Variants in ST3GAL3 observed in about 807,000 individuals in gnomAD.
The protein encoded by ST3GAL3 is CMP-N-acetylneuraminate-beta-1,4-galactoside alpha-2,3-sialyltransferase.
Under a neutral mutation model 50.1 loss-of-function variants are expected in ST3GAL3, and 21 were observed. The ratio of observed to expected loss-of-function variants is 0.42; its 90% confidence interval spans 0.30 to 0.60. ST3GAL3 has a LOEUF of 0.60. Among genes scored for constraint, ST3GAL3 ranks in the 20% least tolerant of loss-of-function variants. The probability of loss-of-function intolerance (pLI) is 0.19; values close to 1 mark genes in which losing one functional copy is unlikely to be tolerated. For synonymous variants in ST3GAL3, 183 were observed against 190.0 expected (o/e 0.96, Z 0.30); for missense variants, 353 against 489.4 (o/e 0.72, Z 2.63).
chr1:43,711,770 A>G (rs1377679584), intron 1 of ST3GAL3, among the ~76,000 whole-genome samples: 3 of 152,246 alleles, frequency 2.0e-5, no homozygotes, highest in African/African-American at 7.2e-5. Flanking sequence ...TTACTATGTT[A>G]CAGCATTCTT....
intron 2 of ST3GAL3, among the ~76,000 whole-genome samples, chr1:43,755,418 T>C (rs558388613): frequency 6.6e-6 from 1 of 152,340 alleles, no homozygotes; most frequent in East Asian, 1.9e-4. Flanking sequence ...AGTACATTGG[T>C]ACAGCCATTC....
intron 1 of ST3GAL3, among the ~76,000 whole-genome samples, chr1:43,713,471 A>G (rs148105070): frequency 1.1e-4 from 17 of 151,212 alleles, no homozygotes; most frequent in African/African-American, 4.1e-4. Context: ...GGTTCATGGT[A>G]GGTGATCACT....
chr1:43,795,241 G>T (rs2058554176), intron 3 of ST3GAL3, among the ~76,000 whole-genome samples: 1 of 152,160 alleles, frequency 6.6e-6, no homozygotes, highest in Admixed American at 6.5e-5. Context: ...ATGGCAATAA[G>T]CCTCCCAGGT....
intron 1 of ST3GAL3, among the ~76,000 whole-genome samples, chr1:43,723,171 T>C (rs1019479551): frequency 3.3e-5 from 5 of 151,598 alleles, no homozygotes; most frequent in Non-Finnish European, 7.4e-5. Context: ...TGCAGTGGCA[T>C]GAAGTGGGCT....
chr1:43,749,271 G>C (rs1381073949), intron 2 of ST3GAL3, among the ~76,000 whole-genome samples: 1 of 152,142 alleles, frequency 6.6e-6, no homozygotes, highest in East Asian at 1.9e-4. Flanking sequence ...TGTTGTGGTA[G>C]CACAAAAAGC....
chr1:43,851,879 A>G (rs1574253289), intron 5 of ST3GAL3, among the ~76,000 whole-genome samples: 2 of 152,196 alleles, frequency 1.3e-5, no homozygotes, highest in Admixed American at 1.3e-4. Flanking sequence ...TGGCCGCACC[A>G]ACCCCAAATC....
chr1:43,905,757 T>C (rs201111547), intron 9 of ST3GAL3, among the ~76,000 whole-genome samples: 1 of 103,460 alleles, frequency 9.7e-6, no homozygotes, highest in East Asian at 3.1e-4. Context: ...TTCCTCCCCC[T>C]CCTCCTGCTC....
chr1:43,839,473 G>T (rs1023895370), intron 5 of ST3GAL3: 1 of 152,106 alleles, frequency 6.6e-6, no homozygotes, highest in East Asian at 1.9e-4. Flanking sequence ...GGTTTCGTTT[G>T]CTTTTTCTAA....
At chr1:43,778,537 A>G (rs991548830) in intron 2 of ST3GAL3, among the ~76,000 whole-genome samples, 4 of 152,150 alleles carry the variant, frequency 2.6e-5, no homozygotes, top group Non-Finnish European at 5.9e-5. Flanking sequence ...AATTCTTTTC[A>G]ATCATATTTA....
intron 5 of ST3GAL3, among the ~76,000 whole-genome samples, chr1:43,893,415 G>T (rs938013599): frequency 4.6e-5 from 7 of 152,344 alleles, no homozygotes; most frequent in Non-Finnish European, 1.0e-4. Flanking sequence ...CCATCTTTGG[G>T]GCTGCCAGGT....
At position 43,853,155 on chromosome 1, in the gene ST3GAL3, TGGCCAGTAG is replaced by T. The variant is rs558413817; in HGVS notation, c.302+14850_302+14858del. ...ATTGAGTGTTGTCTCTTTTAGTTGG[TGGCCAGTAG>T]GGCCACTCGGTATTGGGAGAAAGTG... On this transcript the variant is annotated intron_variant, in intron 5 of 11. Coordinates refer to ENST00000347631, the MANE Select transcript of ST3GAL3 (RefSeq NM_006279.5). 1.1e-4 allele frequency among the ~76,000 whole-genome samples: 16 copies of T among 152,310 alleles called. No homozygotes were observed. In the East Asian group the frequency reaches 3.1e-3, roughly 29 times the overall value.
At chr1:43,788,656 A>G (rs939807608) in intron 2 of ST3GAL3, among the ~76,000 whole-genome samples, 1 of 152,220 alleles carries the variant, frequency 6.6e-6, no homozygotes, top group Non-Finnish European at 1.5e-5. Flanking sequence ...GAAAGCAAGA[A>G]TATTTACTAG....
chr1:43,831,509 T>G (rs1451611304), intron 4 of ST3GAL3: 1 of 152,376 alleles, frequency 6.6e-6, no homozygotes, highest in East Asian at 1.9e-4. Context: ...ACCATCTCTG[T>G]GTTTTCTATT....
At chr1:43,838,497 C>A in intron 5 of ST3GAL3, 186 bp downstream of exon 5, 1 of 619,838 alleles carries the variant, frequency 1.6e-6, no homozygotes, top group Non-Finnish European at 3.0e-6. Flanking sequence ...TGCCTTACTC[C>A]CATCCTGCCT....
chr1:43,711,087 G>T (rs1171649083), intron 1 of ST3GAL3, among the ~76,000 whole-genome samples: 1 of 152,222 alleles, frequency 6.6e-6, no homozygotes, highest in African/African-American at 2.4e-5. Flanking sequence ...AGTTGTTTAT[G>T]TGAGAGAATC....
Position 43,836,883 on chromosome 1 carries a change from T to A in ST3GAL3, c.210-1336T>A, listed in dbSNP as rs1343305474. ...CATAAGACGTTGAAACCCAAAGATG[T>A]GAGGTGGCATGATTATGGTCACACA... On this transcript the variant is annotated intron_variant, in intron 4 of 11. Coordinates refer to ENST00000347631, the MANE Select transcript of ST3GAL3 (RefSeq NM_006279.5). 2.0e-5 allele frequency among the ~76,000 whole-genome samples: 3 copies of A among 152,148 alleles called. No homozygotes were observed. In the East Asian group the frequency reaches 5.8e-4, roughly 29 times the overall value.
intron 3 of ST3GAL3, among the ~76,000 whole-genome samples, chr1:43,813,228 C>T (rs537723898): frequency 3.3e-4 from 50 of 152,212 alleles, no homozygotes; most frequent in African/African-American, 1.2e-3. Flanking sequence ...CTGAGGAGCA[C>T]GGCATGAGAG....
chr1:43,846,662 C>A (rs2066307771), intron 5 of ST3GAL3, among the ~76,000 whole-genome samples: 1 of 152,168 alleles, frequency 6.6e-6, no homozygotes, highest in African/African-American at 2.4e-5. Context: ...CCGTACCCAG[C>A]TAATTTTTGT....
At chr1:43,852,763 C>G (rs992689354) in intron 5 of ST3GAL3, among the ~76,000 whole-genome samples, 2 of 152,194 alleles carry the variant, frequency 1.3e-5, no homozygotes, top group African/African-American at 2.4e-5. Flanking sequence ...ACAGCTTTCT[C>G]ACTTCACAGG....
Sources: gnomAD v4.1 joint callset for allele counts (sites outside exome capture counted in the v4.1 genomes callset) on GRCh38, gnomAD v4.1.1 for gene constraint, MANE v1.5 for transcripts, NCBI Gene and HGNC (gene_info 2026-07-23, HGNC 2026-07-21) for gene names.